Variants in ARHGAP28 observed in about 807,000 individuals in gnomAD.
The protein encoded by ARHGAP28 is Rho GTPase activating protein 28.
ARHGAP28 carries 56 observed loss-of-function variants against 90.7 expected under a neutral mutation model. The observed-to-expected ratio is 0.62, with a 90% CI of 0.50 to 0.77. ARHGAP28 has a LOEUF of 0.77. ARHGAP28 is among the 30% of genes least tolerant of loss of function. The pLI is 0.00. For missense variants in ARHGAP28, 869 were observed against 900.9 expected, an observed-to-expected ratio of 0.96 and a Z score of 0.45; for synonymous variants, 308 against 323.3, an observed-to-expected ratio of 0.95 and a Z score of 0.51.
chr18:6,825,856 A>G (rs1174627673), intron 2 of ARHGAP28, among the ~76,000 whole-genome samples: 2 of 152,138 alleles, frequency 1.3e-5, no homozygotes, highest in Non-Finnish European at 2.9e-5. Flanking sequence ...CAGTCCTCCA[A>G]TCATGGGTAG....
chr18:6,830,165 T>G (rs2056704013), intron 2 of ARHGAP28, among the ~76,000 whole-genome samples: 1 of 152,202 alleles, frequency 6.6e-6, no homozygotes, highest in African/African-American at 2.4e-5. Context: ...ACTTCATTTA[T>G]CATTTATTTG....
chr18:6,873,149 A>G (rs951750713), intron 7 of ARHGAP28, among the ~76,000 whole-genome samples: 1 of 152,206 alleles, frequency 6.6e-6, no homozygotes, highest in Non-Finnish European at 1.5e-5. Context: ...GTTCCTTATA[A>G]AGAAGGCAGT....
chr18:6,908,116 T>C (rs1165029362), intron 16 of ARHGAP28, among the ~76,000 whole-genome samples: 2 of 148,378 alleles, frequency 1.3e-5, no homozygotes, highest in East Asian at 3.9e-4. Flanking sequence ...TTATAGTTTA[T>C]TTTATTTTGT....
intron 2 of ARHGAP28, among the ~76,000 whole-genome samples, chr18:6,826,345 T>A (rs1600219662): frequency 6.6e-6 from 1 of 152,150 alleles, no homozygotes; most frequent in East Asian, 1.9e-4. Context: ...GCTTGTTGAT[T>A]TGTTTAAACT....
chr18:6,731,001 A>G (rs998672339), intron 1 of ARHGAP28, among the ~76,000 whole-genome samples: 1 of 152,212 alleles, frequency 6.6e-6, no homozygotes, highest in African/African-American at 2.4e-5. Context: ...CTTTTTGGCT[A>G]GTATCCATGA....
chr18:6,738,534 G>A (rs1217441301), intron 1 of ARHGAP28, among the ~76,000 whole-genome samples: 1 of 151,984 alleles, frequency 6.6e-6, no homozygotes, highest in Non-Finnish European at 1.5e-5. Context: ...TTATACAAAG[G>A]CCCATCAATT....
intron 1 of ARHGAP28, among the ~76,000 whole-genome samples, chr18:6,745,727 G>A (rs1278862819): frequency 6.6e-6 from 1 of 152,180 alleles, no homozygotes; most frequent in Non-Finnish European, 1.5e-5. Context: ...TATGATTTGT[G>A]TCTGGCTCCT....
chr18:6,841,194 T>TCTCTCTCTCCTCTCTCTCTC (rs1259199744), intron 3 of ARHGAP28, among the ~76,000 whole-genome samples: 1 of 64,190 alleles, frequency 1.6e-5, no homozygotes, highest in Non-Finnish European at 2.9e-5. Context: ...TCTCTCTCTC[T>TCTCTCTCTCCTCTCTCTCTC]CTCTCTCTCC....
intron 1 of ARHGAP28, among the ~76,000 whole-genome samples, chr18:6,793,883 C>T (rs1471537448): frequency 6.6e-6 from 1 of 151,842 alleles, no homozygotes; most frequent in African/African-American, 2.4e-5. Flanking sequence ...GCTAGAGGCT[C>T]TGTTAGATCA....
intron 16 of ARHGAP28, among the ~76,000 whole-genome samples, chr18:6,902,383 A>T (rs1272038838): frequency 6.6e-6 from 1 of 152,208 alleles, no homozygotes; most frequent in African/African-American, 2.4e-5. Context: ...CTGTAAATCT[A>T]AAAGAGTTCT....
intron 1 of ARHGAP28, among the ~76,000 whole-genome samples, chr18:6,756,185 T>G (rs1381412513): frequency 9.9e-5 from 15 of 152,230 alleles, no homozygotes; most frequent in Non-Finnish European, 1.5e-5. Flanking sequence ...CTTAGAATGA[T>G]GACTGCAATA....
Position 6,841,208 on chromosome 18 carries a change from C to CTCTCTCTCT in ARHGAP28, c.543+3794_543+3795insTCTCTCTCT, listed in dbSNP as rs1555631529. 3.0e-3 allele frequency among the ~76,000 whole-genome samples: 128 copies of CTCTCTCTCT among 43,072 alleles called. 5 individuals are homozygous for CTCTCTCTCT. Among genetic ancestry groups the CTCTCTCTCT allele is most frequent in the Middle Eastern group, 0.025 (2 of 80 alleles). The allele number at this position is 43,072 out of a possible 152,430, so 28.3% of individuals were successfully genotyped here. ...CTCTCTCTCTCTCTCTCTCTCCTCTCCTCTCTCTCTCTCTCCCCCCAACCC... is the reference window on the plus strand; with the variant it reads ...CTCTCTCTCTCTCTCTCTCTCCTCTCTCTCTCTCTCTCTCTCTCTCTCTCCCCCCAACCC... On this transcript the variant is annotated intron_variant, in intron 3 of 17. Transcript: ENST00000383472.
intron 1 of ARHGAP28, among the ~76,000 whole-genome samples, chr18:6,758,262 C>T (rs548636534): frequency 2.0e-5 from 3 of 151,918 alleles, no homozygotes; most frequent in South Asian, 2.1e-4. Context: ...TGTTAAAAGC[C>T]GTAAAGCATA....
chr18:6,821,734 T>A (rs1299732987), intron 1 of ARHGAP28, among the ~76,000 whole-genome samples: 2 of 152,220 alleles, frequency 1.3e-5, no homozygotes, highest in Non-Finnish European at 2.9e-5. Context: ...ACCAGTGTGT[T>A]ACTTAGCTGC....
At chr18:6,891,811 T>C (rs2143738489) in intron 14 of ARHGAP28, among the ~76,000 whole-genome samples, 1 of 152,258 alleles carries the variant, frequency 6.6e-6, no homozygotes, top group East Asian at 1.9e-4. Flanking sequence ...CAGGCTGGTC[T>C]TGAACTCGTG....
chr18:6,742,491 G>T (rs2055987820), intron 1 of ARHGAP28, among the ~76,000 whole-genome samples: 1 of 152,116 alleles, frequency 6.6e-6, no homozygotes, highest in Non-Finnish European at 1.5e-5. Flanking sequence ...TTCTGTCTGG[G>T]AGTGTTAGGT....
chr18:6,781,562 C>T (rs934569265), intron 1 of ARHGAP28, among the ~76,000 whole-genome samples: 2 of 152,112 alleles, frequency 1.3e-5, no homozygotes, highest in Non-Finnish European at 2.9e-5. Context: ...TTCTTCTTGC[C>T]CTGGTGACAT....
chr18:6,838,696 G>A (rs2056772979), intron 3 of ARHGAP28, among the ~76,000 whole-genome samples: 1 of 152,150 alleles, frequency 6.6e-6, no homozygotes, highest in African/African-American at 2.4e-5. Flanking sequence ...CTTATGTATT[G>A]AATAACATAG....
At chr18:6,906,107 G>C (rs2057363382) in intron 16 of ARHGAP28, among the ~76,000 whole-genome samples, 1 of 151,882 alleles carries the variant, frequency 6.6e-6, no homozygotes, top group African/African-American at 2.4e-5. Context: ...GAAAAATAAA[G>C]TAGGAGGAAT....
Sources: allele counts gnomAD v4.1 joint callset (sites outside exome capture counted in the v4.1 genomes callset), GRCh38; gene constraint gnomAD v4.1.1; transcripts MANE v1.5; gene names NCBI Gene and HGNC (gene_info 2026-07-23, HGNC 2026-07-21).